ERBB2: variants seen among roughly 807,000 people sequenced by gnomAD.
ERBB2 encodes the protein erb-b2 receptor tyrosine kinase 2.
In ERBB2, 61 loss-of-function variants were observed where a neutral mutation model predicts 149.0. That is an observed-to-expected ratio of 0.41 (90% CI 0.33 to 0.51). The LOEUF (loss-of-function observed/expected upper bound fraction) is 0.51. ERBB2 is among the 20% of genes least tolerant of loss of function. The pLI is 0.25. For missense variants in ERBB2, 1,205 were observed against 1,655.1 expected (o/e 0.73, Z 4.72); for synonymous variants, 633 against 678.8 (o/e 0.93, Z 1.05).
intron 9 of ERBB2, among the ~76,000 whole-genome samples, chr17:39,715,029 A>G (rs2059037569): frequency 6.6e-6 from 1 of 152,164 alleles, no homozygotes; most frequent in African/African-American, 2.4e-5. Context: ...CGGCCTCCCA[A>G]AGTGCTGGGA....
rs371071709 is a variant in ERBB2 at position 39,723,876 on chromosome 17, C to T, written c.2209-36C>T. On this transcript the variant is annotated intron_variant, in intron 18 of 26. Transcript: ENST00000269571. The surrounding 1 kb of genome is among the most constrained non-coding windows in gnomAD (Gnocchi z 6.2). ...TGGAAGGCAGGTAGGATCCAGCCCA[C>T]GCTCTTCTCACTCATATCCTCCTCT... The T allele has an allele frequency of 3.6e-5, 56 of 1,570,154 alleles. No individual in the cohort carries two copies. The highest frequency in any genetic ancestry group is 4.5e-5 in the Non-Finnish European group (51 of 1,140,764).
intron 9 of ERBB2, 38 bp downstream of exon 9, chr17:39,712,486 C>A (rs769281820): frequency 1.9e-6 from 3 of 1,607,232 alleles, no homozygotes; most frequent in Non-Finnish European, 2.5e-6. Context: ...AGTGTCAGGG[C>A]AGACAGAGTC....
intron 1 of ERBB2, among the ~76,000 whole-genome samples, chr17:39,701,415 C>G (rs1424231909): frequency 1.3e-5 from 2 of 152,070 alleles, no homozygotes; most frequent in Non-Finnish European, 2.9e-5. Flanking sequence ...ACCATGCATT[C>G]GAAATCGCTA....
At chr17:39,717,224 C>A in intron 14 of ERBB2, 96 bp from the exon 15 acceptor site, 1 of 1,065,482 alleles carries the variant, frequency 9.4e-7, no homozygotes, top group Non-Finnish European at 1.3e-6. Flanking sequence ...GCTGGGTGGC[C>A]TTGGGAAGCA....
intron 9 of ERBB2, 149 bp from the exon 10 acceptor site, chr17:39,715,137 C>A: frequency 1.6e-6 from 1 of 639,962 alleles, no homozygotes; most frequent in Non-Finnish European, 2.8e-6. Flanking sequence ...AAGGCCTGGG[C>A]TTTGAAGCCC....
At chr17:39,691,387 C>CA (rs1413656985), upstream of ERBB2, among the ~76,000 whole-genome samples, 2 of 151,180 alleles carry the variant, frequency 1.3e-5, no homozygotes, top group Non-Finnish European at 2.9e-5. Context: ...ACTAAAAATA[C>CA]AAAAAAATTA....
chr17:39,689,681 G>C (rs569374038), intron 2 of ERBB2, among the ~76,000 whole-genome samples: 1 of 152,014 alleles, frequency 6.6e-6, no homozygotes, highest in East Asian at 1.9e-4. Context: ...CGAGGCGGAC[G>C]GATCACCTGA....
chr17:39,711,118 T>C (rs995952225), intron 7 of ERBB2, among the ~76,000 whole-genome samples: 1 of 152,134 alleles, frequency 6.6e-6, no homozygotes, highest in Non-Finnish European at 1.5e-5. Context: ...CAGACTGGTC[T>C]CGAACTCCTG....
chr17:39,716,389 C>T lies in ERBB2; in HGVS notation c.1602C>T (p.Phe534=), dbSNP rs1299820476. 1.2e-6 allele frequency: 2 copies of T among 1,608,522 alleles called. No individual in the cohort carries two copies. The highest frequency in any genetic ancestry group is 1.7e-5 in the Admixed American group (1 of 59,564). The part of the protein sequence containing the change: ...GPTQCVNCSQ[F]LRGQECVEEC... ...CCCAGTGTGTCAACTGCAGCCAGTT[C>T]CTTCGGGGCCAGGAGTGCGTGGAGG... The change falls in exon 13 of 27, where the codon TTC becomes TTT. Residue 534 remains phenylalanine, a synonymous_variant. Transcript: ENST00000269571.
At chr17:39,710,256 G>T (rs2145510739) in intron 6 of ERBB2, 55 bp downstream of exon 6, 2 of 1,606,424 alleles carry the variant, frequency 1.2e-6, no homozygotes, top group African/African-American at 2.7e-5. Flanking sequence ...TGCAAGGGGT[G>T]GGCACCCTGC....
chr17:39,716,126 G>A (rs1442317777), intron 12 of ERBB2, 175 bp from the exon 13 acceptor site: 1 of 963,396 alleles, frequency 1.0e-6, no homozygotes, highest in African/African-American at 1.6e-5. Flanking sequence ...TACCTGCCTT[G>A]GCATCCTTCC....
chr17:39,727,202 T>A lies in ERBB2; in HGVS notation c.3160-93T>A, dbSNP rs2143211730. On this transcript the variant is annotated intron_variant, in intron 25 of 26. Coordinates refer to ENST00000269571, the MANE Select transcript of ERBB2 (RefSeq NM_004448.4). The surrounding 1 kb of genome is among the most constrained non-coding windows in gnomAD (Gnocchi z 4.3). The stretch of plus-strand genomic sequence containing the variant: ...ACTGTGTCATACCCCAAAGGTGACC[T>A]CTGTTTTTCTCCTGTGACCCTGTCA... The A allele has an allele frequency of 6.8e-6, 10 of 1,479,544 alleles. No homozygotes were observed. The highest frequency in any genetic ancestry group is 9.3e-6 in the Non-Finnish European group (10 of 1,079,234). The allele number at this position is 1,479,544 out of a possible 1,614,324, so 91.7% of individuals were successfully genotyped here. A position where few individuals can be genotyped will look rare whatever the true frequency, so the allele number is the denominator to read the frequency against.
intron 4 of ERBB2, among the ~76,000 whole-genome samples, 174 bp downstream of exon 4, chr17:39,709,626 C>T (rs1303055805): frequency 6.6e-6 from 1 of 152,226 alleles, no homozygotes; most frequent in Non-Finnish European, 1.5e-5. Flanking sequence ...CTGGGGTTCT[C>T]TGTCTTGTCT....
chr17:39,695,743 A>ACACACACACACG (rs2057848125), upstream of ERBB2, among the ~76,000 whole-genome samples: 2 of 148,842 alleles, frequency 1.3e-5, no homozygotes, highest in Non-Finnish European at 3.0e-5. Context: ...ACACACACAC[A>ACACACACACACG]CACACACACA....
chr17:39,709,940 A>T (rs2145496022), intron 5 of ERBB2, 59 bp downstream of exon 5: 5 of 1,491,672 alleles, frequency 3.4e-6, no homozygotes, highest in Non-Finnish European at 3.7e-6. Flanking sequence ...GGTGGAATGC[A>T]GGTGTCATAC....
intron 16 of ERBB2, among the ~76,000 whole-genome samples, chr17:39,721,653 G>A (rs948984814): frequency 6.6e-6 from 1 of 152,196 alleles, no homozygotes; most frequent in African/African-American, 2.4e-5. Context: ...ACTGGGAGGT[G>A]TGGAAAATCA....
At chr17:39,716,699 T>C in intron 14 of ERBB2, 94 bp downstream of exon 14, 1 of 1,121,898 alleles carries the variant, frequency 8.9e-7, no homozygotes, top group East Asian at 2.5e-5. Context: ...TAGGGTGTGC[T>C]ATCTGGTAAA....
chr17:39,711,178 G>A (rs1472285282), intron 7 of ERBB2, among the ~76,000 whole-genome samples: 1 of 151,448 alleles, frequency 6.6e-6, no homozygotes, highest in African/African-American at 2.4e-5. Flanking sequence ...GGGATTACAG[G>A]CGTGAGCCAC....
chr17:39,704,479 A>C (rs2058302553), intron 1 of ERBB2, among the ~76,000 whole-genome samples: 1 of 152,196 alleles, frequency 6.6e-6, no homozygotes, highest in Admixed American at 6.5e-5. Flanking sequence ...AGGCTGAGGC[A>C]GGAGAATTGC....
Sources: allele counts gnomAD v4.1 joint callset (sites outside exome capture counted in the v4.1 genomes callset), GRCh38; gene constraint gnomAD v4.1.1; non-coding constraint Gnocchi (gnomAD v3.1); transcripts MANE v1.5; gene names NCBI Gene and HGNC (gene_info 2026-07-23, HGNC 2026-07-21).